The following TRAPPC9 variants were observed in gnomAD, a reference collection of about 807,000 sequenced individuals.
TRAPPC9 encodes the protein IKK2 binding protein.
Under a neutral mutation model 124.0 loss-of-function variants are expected in TRAPPC9, and 83 were observed. The observed-to-expected ratio is 0.67, with a 90% CI of 0.56 to 0.80. The LOEUF (loss-of-function observed/expected upper bound fraction) is 0.80, where lower values mean the gene tolerates loss of function less well. Ranked by LOEUF, TRAPPC9 falls within the 30% of genes least tolerant of loss-of-function variation. TRAPPC9 has a pLI of 0.00. For synonymous variants in TRAPPC9, 638 were observed against 617.5 expected (o/e 1.03, Z -0.49); for missense variants, 1,302 against 1,508.3 (o/e 0.86, Z 2.27).
intron 17 of TRAPPC9, among the ~76,000 whole-genome samples, chr8:140,030,342 T>C (rs138630616): frequency 1.3e-5 from 2 of 152,326 alleles, no homozygotes; most frequent in Non-Finnish European, 2.9e-5. Flanking sequence ...ACTATCTTTG[T>C]TTGCAGACAA....
At chr8:139,818,831 A>C (rs548448971) in intron 21 of TRAPPC9, among the ~76,000 whole-genome samples, 1 of 152,352 alleles carries the variant, frequency 6.6e-6, no homozygotes, top group South Asian at 2.1e-4. Flanking sequence ...CCATTCTATG[A>C]GAACCAGGTC....
chr8:139,849,203 A>C (rs1286763195), intron 21 of TRAPPC9, among the ~76,000 whole-genome samples: 6 of 152,234 alleles, frequency 3.9e-5, no homozygotes. Flanking sequence ...CCAAAAGCCC[A>C]CTTAGAGGGC....
intron 19 of TRAPPC9, among the ~76,000 whole-genome samples, chr8:139,926,234 A>G (rs1030743215): frequency 6.6e-6 from 1 of 152,204 alleles, no homozygotes; most frequent in Non-Finnish European, 1.5e-5. Context: ...TCCCATCCCA[A>G]TAGGGCCAGG....
intron 8 of TRAPPC9, among the ~76,000 whole-genome samples, chr8:140,370,055 T>A (rs2068233209): frequency 6.6e-6 from 1 of 152,204 alleles, no homozygotes; most frequent in Non-Finnish European, 1.5e-5. Context: ...TAGAAGCCTA[T>A]ACCTTCACTA....
chr8:140,102,473 CCACACA>C (rs60084618), intron 17 of TRAPPC9, among the ~76,000 whole-genome samples: 34 of 149,382 alleles, frequency 2.3e-4, no homozygotes, highest in African/African-American at 6.4e-4. Context: ...CCTCCCCCCA[CCACACA>C]CACACACACA....
rs111623608 is a variant in TRAPPC9 at position 140,442,662 on chromosome 8, T to C, written c.585-3465A>G. On this transcript the variant is annotated intron_variant, in intron 2 of 22. Transcript: ENST00000438773. ...ATTTTGGTACTATTTATATGGCTTA[T>C]GGAAAACAAGAGCTTGGTATTCTAG... Among the ~76,000 whole-genome samples, 771 of 151,818 alleles carry C rather than the reference T, an allele frequency of 5.1e-3. 12 individuals are homozygous for C. The highest frequency in any genetic ancestry group is 0.018 in the African/African-American group (728 of 41,386).
chr8:139,760,145 A>C (rs534095624), intron 21 of TRAPPC9, among the ~76,000 whole-genome samples: 2 of 152,294 alleles, frequency 1.3e-5, no homozygotes, highest in East Asian at 3.9e-4. Flanking sequence ...GACCTACTCC[A>C]GTGGCTTGGG....
rs577177285 is a variant in TRAPPC9, at chr8:140,216,836, T to C, written c.2556+4623A>G. On this transcript the variant is annotated intron_variant, in intron 17 of 22. Coordinates refer to ENST00000438773, the MANE Select transcript of TRAPPC9 (RefSeq NM_001160372.4). This position sits in a 1 kb window ranked among gnomAD's most constrained non-coding sequence, Gnocchi z 4.1. ...TTCCTCGACTTCCTCCGTGCAGCCA[T>C]AGCAACGAGGATCACCTGTATTCTA... Among the ~76,000 whole-genome samples, 4 of 152,352 alleles carry C rather than the reference T, an allele frequency of 2.6e-5. No homozygotes were observed. The highest frequency in any genetic ancestry group is 9.6e-5 in the African/African-American group (4 of 41,588).
intron 17 of TRAPPC9, among the ~76,000 whole-genome samples, chr8:140,168,290 C>T (rs2061887107): frequency 1.3e-5 from 2 of 152,210 alleles, no homozygotes; most frequent in Admixed American, 6.5e-5. Context: ...AACCATTCTC[C>T]AGTGACGAAT....
chr8:139,930,045 T>C (rs926980934), intron 19 of TRAPPC9, among the ~76,000 whole-genome samples: 1 of 152,222 alleles, frequency 6.6e-6, no homozygotes, highest in Non-Finnish European at 1.5e-5. Flanking sequence ...CACTTCTCTG[T>C]TATGAACAGG....
At chr8:139,930,491 T>C (rs958467291) in intron 19 of TRAPPC9, among the ~76,000 whole-genome samples, 5 of 152,188 alleles carry the variant, frequency 3.3e-5, no homozygotes, top group African/African-American at 4.8e-5. Flanking sequence ...TCTGTTCTGC[T>C]TTCCAAGCAG....
chr8:139,763,356 A>T (rs770545643), intron 21 of TRAPPC9, among the ~76,000 whole-genome samples: 5 of 152,194 alleles, frequency 3.3e-5, no homozygotes, highest in Non-Finnish European at 5.9e-5. Flanking sequence ...AGACCCATGG[A>T]TTTATCTAGA....
chr8:140,275,148 C>A (rs73714848), intron 15 of TRAPPC9, among the ~76,000 whole-genome samples: 4 of 152,094 alleles, frequency 2.6e-5, no homozygotes, highest in Non-Finnish European at 4.4e-5. Flanking sequence ...TACTACCCCC[C>A]CTATTTATCC....
intron 17 of TRAPPC9, among the ~76,000 whole-genome samples, chr8:140,037,411 A>G (rs1196750106): frequency 1.3e-5 from 2 of 152,182 alleles, no homozygotes; most frequent in African/African-American, 2.4e-5. Flanking sequence ...AAATGAATTC[A>G]TAAGTAGAGC....
At chr8:140,405,819 G>A in intron 5 of TRAPPC9, 121 bp from the exon 6 acceptor site, 1 of 1,140,306 alleles carries the variant, frequency 8.8e-7, no homozygotes, top group Non-Finnish European at 1.3e-6. Flanking sequence ...AATAATGTAA[G>A]TGTTTAGTCT....
intron 21 of TRAPPC9, among the ~76,000 whole-genome samples, chr8:139,802,140 A>G (rs1303715426): frequency 6.6e-6 from 1 of 152,096 alleles, no homozygotes; most frequent in Non-Finnish European, 1.5e-5. Context: ...ACAGAACGGC[A>G]TGGGTCACCT....
chr8:140,418,682 T>G (rs1199821494), intron 5 of TRAPPC9, among the ~76,000 whole-genome samples: 3 of 151,964 alleles, frequency 2.0e-5, no homozygotes, highest in Non-Finnish European at 4.4e-5. Context: ...GATATGCAAC[T>G]GCACTCCAGC....
chr8:140,164,723 A>G (rs1340654328), intron 17 of TRAPPC9, among the ~76,000 whole-genome samples: 1 of 152,152 alleles, frequency 6.6e-6, no homozygotes, highest in African/African-American at 2.4e-5. Flanking sequence ...GGAACTCCGC[A>G]TGGGCCTGCC....
In TRAPPC9 at chr8:140,166,153, C is replaced by T. The variant is rs575720956; in HGVS notation, c.2556+55306G>A. ...CATCATGATGCCCAAAAGGCATGAC[C>T]GAAAGCTCCCCAAAATCAACCCCTG... On this transcript the variant is annotated intron_variant, in intron 17 of 22. Transcript: ENST00000438773. 3.5e-3 allele frequency among the ~76,000 whole-genome samples: 527 copies of T among 152,308 alleles called. 1 individual carries two copies. The highest frequency in any genetic ancestry group is 5.1e-3 in the Non-Finnish European group (344 of 68,026).
Sources: gnomAD v4.1 joint callset for allele counts (sites outside exome capture counted in the v4.1 genomes callset) on GRCh38, gnomAD v4.1.1 for gene constraint, Gnocchi (gnomAD v3.1) non-coding constraint, MANE v1.5 for transcripts, NCBI Gene and HGNC (gene_info 2026-07-23, HGNC 2026-07-21) for gene names.